Variants in SEPTIN9 observed in about 807,000 individuals in gnomAD.
The protein encoded by SEPTIN9 is septin-9.
A neutral mutation model predicts 56.6 loss-of-function variants in SEPTIN9; 13 were observed. The observed-to-expected ratio is 0.23, with a 90% CI of 0.15 to 0.37. The LOEUF (loss-of-function observed/expected upper bound fraction) is 0.37, where lower values mean the gene tolerates loss of function less well. Ranked by LOEUF, SEPTIN9 falls within the 10% of genes least tolerant of loss-of-function variation. The pLI is 1.00. For missense variants in SEPTIN9, 650 were observed against 823.1 expected, an observed-to-expected ratio of 0.79 and a Z score of 2.57; for synonymous variants, 332 against 334.1, an observed-to-expected ratio of 0.99 and a Z score of 0.07.
At position 77,498,637 on chromosome 17, in the gene SEPTIN9, G is replaced by A. The variant is rs1246918627; in HGVS notation, c.1740G>A (p.Glu580=). The change falls in exon 12 of 12, where the codon GAG becomes GAA. Residue 580 remains glutamate (E), a synonymous_variant. Coordinates refer to ENST00000427177, the MANE Select transcript of SEPTIN9 (RefSeq NM_001113491.2). The part of the protein sequence containing the change: ...SAMANGMEEK[E]PEAPEM ...TGGCCAACGGCATGGAGGAGAAGGA[G>A]CCAGAAGCCCCGGAGATGTAGACGC... 1.9e-6 allele frequency: 3 copies of A among 1,609,834 alleles called. No individual in the cohort carries two copies. The highest frequency in any genetic ancestry group is 2.2e-5 in the South Asian group (2 of 90,610).
At chr17:77,414,134 A>G (rs944725810) in intron 3 of SEPTIN9, among the ~76,000 whole-genome samples, 3 of 152,006 alleles carry the variant, frequency 2.0e-5, no homozygotes, top group Non-Finnish European at 2.9e-5. Flanking sequence ...GCTGGAGTGC[A>G]GTGGCGCCAT....
At chr17:77,412,721 G>A (rs1042520536) in intron 3 of SEPTIN9, among the ~76,000 whole-genome samples, 4 of 151,082 alleles carry the variant, frequency 2.6e-5, no homozygotes, top group African/African-American at 9.7e-5. Context: ...GTGAGATCCT[G>A]TCTAAAAAAA....
chr17:77,381,458 C>T (rs11867970), intron 2 of SEPTIN9, among the ~76,000 whole-genome samples: 39,289 of 151,076 alleles, frequency 0.26, 5,437 homozygotes, highest in East Asian at 0.49. Flanking sequence ...CCCTTGGCCC[C>T]GCTTTCCACG....
At position 77,445,014 on chromosome 17, in the gene SEPTIN9, C is replaced by A. The variant is rs553426789; in HGVS notation, c.722-37130C>A. The A allele has an allele frequency of 4.6e-5, 17 of 372,824 alleles. No individual in the cohort carries two copies. Among genetic ancestry groups the A allele is most frequent in the African/African-American group, 3.6e-4 (17 of 46,924 alleles). 23.1% of individuals were successfully genotyped at this position (372,824 alleles called of 1,614,324 possible). A position where few individuals can be genotyped will look rare whatever the true frequency, so the allele number is the denominator to read the frequency against. ...AGAAACCAGAAGAGGAACATGTCAC[C>A]CAAATGTGCTGAAACAGCCCAGCAG... On this transcript the variant is annotated intron_variant, in intron 3 of 11. Coordinates refer to ENST00000427177, the MANE Select transcript of SEPTIN9 (RefSeq NM_001113491.2). This position sits in a 1 kb window ranked among gnomAD's most constrained non-coding sequence, Gnocchi z 4.7.
chr17:77,467,584 G>T (rs746452048), intron 3 of SEPTIN9, among the ~76,000 whole-genome samples: 17 of 152,198 alleles, frequency 1.1e-4, no homozygotes, highest in Non-Finnish European at 2.5e-4. Context: ...TCCTGAACCG[G>T]CCTCCCACCC....
chr17:77,392,929 G>A (rs780318610), intron 2 of SEPTIN9, among the ~76,000 whole-genome samples: 19 of 152,144 alleles, frequency 1.2e-4, no homozygotes, highest in Non-Finnish European at 2.6e-4. Context: ...CTTTCCTTTT[G>A]GACGGTTTTG....
At chr17:77,344,618 C>T (rs541754487) in intron 2 of SEPTIN9, among the ~76,000 whole-genome samples, 1 of 152,150 alleles carries the variant, frequency 6.6e-6, no homozygotes, top group Non-Finnish European at 1.5e-5. Context: ...TGTCCACCAG[C>T]GGATGAATGA....
At chr17:77,438,943 A>G (rs1309153187) in intron 3 of SEPTIN9, among the ~76,000 whole-genome samples, 1 of 152,164 alleles carries the variant, frequency 6.6e-6, no homozygotes, top group Non-Finnish European at 1.5e-5. Flanking sequence ...GGGAGAAGAA[A>G]ACCCCGTAGC....
At chr17:77,306,782 G>A (rs1273367649) in intron 1 of SEPTIN9, among the ~76,000 whole-genome samples, 1 of 152,246 alleles carries the variant, frequency 6.6e-6, no homozygotes, top group African/African-American at 2.4e-5. Context: ...CCAGCTTGGA[G>A]TCTGATGGAC....
intron 1 of SEPTIN9, among the ~76,000 whole-genome samples, chr17:77,290,972 C>G (rs1476551926): frequency 2.6e-5 from 4 of 151,116 alleles, no homozygotes; most frequent in Non-Finnish European, 5.9e-5. Flanking sequence ...TTCAATTGGT[C>G]CTCCCTTCTC....
At chr17:77,300,042 G>C (rs934195109) in intron 1 of SEPTIN9, among the ~76,000 whole-genome samples, 1 of 152,222 alleles carries the variant, frequency 6.6e-6, no homozygotes, top group African/African-American at 2.4e-5. Flanking sequence ...AGCTGGTGGT[G>C]CCCCTTCCGC....
At chr17:77,447,615 C>T (rs576535644) in intron 3 of SEPTIN9, among the ~76,000 whole-genome samples, 1 of 152,224 alleles carries the variant, frequency 6.6e-6, no homozygotes, top group Non-Finnish European at 1.5e-5. Flanking sequence ...GTGCCTAAAA[C>T]ATTCATTTCT....
intron 3 of SEPTIN9, among the ~76,000 whole-genome samples, chr17:77,471,779 G>A (rs2039007020): frequency 6.6e-6 from 1 of 152,248 alleles, no homozygotes; most frequent in Admixed American, 6.5e-5. Flanking sequence ...GGCCACTGTG[G>A]ACATGGCTGG....
At chr17:77,373,332 C>A in intron 2 of SEPTIN9, 2 of 1,176,544 alleles carry the variant, frequency 1.7e-6, no homozygotes, top group Non-Finnish European at 2.1e-6. Context: ...CCGCCTTCCT[C>A]CCCCATTCAT....
At position 77,318,538 on chromosome 17, in the gene SEPTIN9, C is replaced by T. The variant is rs978213300; in HGVS notation, c.76+11341C>T. ...CTTCTCTCGTGACTATGATCCCTCCCTTCCTCCCCAGCCTCCCACCTCGGC... is the reference window on the plus strand; with the variant it reads ...CTTCTCTCGTGACTATGATCCCTCCTTTCCTCCCCAGCCTCCCACCTCGGC... On this transcript the variant is annotated intron_variant, in intron 2 of 11. Coordinates refer to ENST00000427177, the MANE Select transcript of SEPTIN9 (RefSeq NM_001113491.2). The surrounding 1 kb of genome is among the most constrained non-coding windows in gnomAD (Gnocchi z 4.9). Among the ~76,000 whole-genome samples, 1 of 152,176 alleles carries T rather than the reference C, an allele frequency of 6.6e-6. No individual in the cohort carries two copies. Among genetic ancestry groups the T allele is most frequent in the Admixed American group, 6.5e-5 (1 of 15,276 alleles).
At chr17:77,305,574 C>T (rs1255416631) in intron 1 of SEPTIN9, among the ~76,000 whole-genome samples, 1 of 152,074 alleles carries the variant, frequency 6.6e-6, no homozygotes, top group Non-Finnish European at 1.5e-5. Context: ...GTGTTGCTTT[C>T]CCTGGAGGAT....
intron 4 of SEPTIN9, among the ~76,000 whole-genome samples, chr17:77,486,515 T>G (rs985353142): frequency 2.9e-5 from 3 of 103,562 alleles, no homozygotes; most frequent in Admixed American, 2.6e-4. Context: ...TGTGTGTGTG[T>G]GTGTGTGCGC....
Position 77,475,307 on chromosome 17 carries a change from A to G in SEPTIN9, c.722-6837A>G. ...GGCTCTGTGTGGGAGCGGGGAGGGCAAGCCCTGGTTGCGAGGCAGGGCTTC... is the reference window on the plus strand; with the variant it reads ...GGCTCTGTGTGGGAGCGGGGAGGGCGAGCCCTGGTTGCGAGGCAGGGCTTC... On this transcript the variant is annotated intron_variant, in intron 3 of 11. Coordinates refer to ENST00000427177, the MANE Select transcript of SEPTIN9 (RefSeq NM_001113491.2). This position sits in a 1 kb window ranked among gnomAD's most constrained non-coding sequence, Gnocchi z 4.6. The G allele has an allele frequency of 1.4e-6, 2 of 1,423,570 alleles. No individual in the cohort carries two copies. Among genetic ancestry groups the G allele is most frequent in the Non-Finnish European group, 1.8e-6 (2 of 1,093,874 alleles). The allele number at this position is 1,423,570 out of a possible 1,614,324, so 88.2% of individuals were successfully genotyped here. A position where few individuals can be genotyped will look rare whatever the true frequency, so the allele number is the denominator to read the frequency against.
rs114050949 is a variant in SEPTIN9, at chr17:77,492,431, G to T, written c.1381-190G>T. On this transcript the variant is annotated intron_variant, in intron 8 of 11. Coordinates refer to ENST00000427177, the MANE Select transcript of SEPTIN9 (RefSeq NM_001113491.2). The surrounding 1 kb of genome is among the most constrained non-coding windows in gnomAD (Gnocchi z 5.4). ...TGCAGCGTCGCTCAGGACAGCAGGT[G>T]CACCTGCAGCTGCCCCTCTTCCCTC... Among the ~76,000 whole-genome samples, 457 of 152,248 alleles carry T rather than the reference G, an allele frequency of 3.0e-3. 3 individuals carry two copies. The highest frequency in any genetic ancestry group is 0.011 in the African/African-American group (442 of 41,538).
Sources: allele counts gnomAD v4.1 joint callset (sites outside exome capture counted in the v4.1 genomes callset), GRCh38; gene constraint gnomAD v4.1.1; non-coding constraint Gnocchi (gnomAD v3.1); transcripts MANE v1.5; gene names NCBI Gene and HGNC (gene_info 2026-07-23, HGNC 2026-07-21).